NOC2L: variants seen among roughly 807,000 people sequenced by gnomAD.
The protein encoded by NOC2L is NOC2 like nucleolar associated transcriptional repressor.
A neutral mutation model predicts 94.2 loss-of-function variants in NOC2L; 101 were observed. The observed-to-expected ratio is 1.07, with a 90% CI of 0.91 to 1.26. The LOEUF (loss-of-function observed/expected upper bound fraction) is 1.26, where lower values mean the gene tolerates loss of function less well. NOC2L is among the 50% of genes most tolerant of loss of function. The pLI is 0.00. For synonymous variants in NOC2L, 531 were observed against 413.4 expected (o/e 1.28, Z -3.45); for missense variants, 1,076 against 980.1 (o/e 1.10, Z -1.31).
Position 957,227 on chromosome 1 carries a change from G to A in NOC2L, c.226C>T (p.Leu76=), listed in dbSNP as rs1288906665. The change falls in exon 3 of 19, where the codon CTG becomes TTG. Residue 76 remains leucine, a synonymous_variant. Coordinates refer to ENST00000327044, the MANE Select transcript of NOC2L (RefSeq NM_015658.4). ...ASEHKDQLSR[L]KDRDPEFYKF... ...TAGAACTCGGGGTCTCTGTCCTTCA[G>A]CCGAGAGAGCTGGTCTTTGTGCTCA... 2 of 1,613,322 alleles carry A rather than the reference G, an allele frequency of 1.2e-6. No homozygotes were observed. Among genetic ancestry groups the A allele is most frequent in the East Asian group, 2.2e-5 (1 of 44,854 alleles).
rs777245235 is a variant in NOC2L at position 956,149 on chromosome 1, G to A, written c.553C>T (p.Arg185Ter). ...QAFRAAVATT[R>*]GDQESAEANK... ...GCCTCAGCACTTTCCTGGTCCCCTC[G>A]GGTGGTGGCCACAGCTGCTCGGAAC... Residue 185 changes from arginine (R) to a stop codon, truncating the protein, a stop_gained, in exon 5 of 19, where the codon CGA becomes TGA. Transcript: ENST00000327044. LOFTEE classifies it high-confidence loss of function. 8 of 1,613,812 alleles carry A rather than the reference G, an allele frequency of 5.0e-6. No homozygotes were observed. The highest frequency in any genetic ancestry group is 1.1e-5 in the South Asian group (1 of 91,068).
At position 955,813 on chromosome 1, in the gene NOC2L, C is replaced by T. The variant is rs1217657745; in HGVS notation, c.698+110G>A. 56 of 947,862 alleles carry T rather than the reference C, an allele frequency of 5.9e-5. 1 individual carries two copies. Among genetic ancestry groups the T allele is most frequent in the Middle Eastern group, 5.9e-4 (2 of 3,390 alleles). 58.7% of individuals were successfully genotyped at this position (947,862 alleles called of 1,614,324 possible). ...TGCCTTCTCAGGGTCCCCAAGAAGA[C>T]GCTGGCTCTGTTGCCATGTCTCTGT... On this transcript the variant is annotated intron_variant, in intron 6 of 18. Coordinates refer to ENST00000327044, the MANE Select transcript of NOC2L (RefSeq NM_015658.4).
chr1:946,548 G>A lies in NOC2L; in HGVS notation c.1660-3C>T. ...CACTCCCGGAGGAACGACTTCAGCTGCGGAAGGGAGGGGTCAGCCACTGAA... is the reference window on the plus strand; with the variant it reads ...CACTCCCGGAGGAACGACTTCAGCTACGGAAGGGAGGGGTCAGCCACTGAA... On this transcript the variant is annotated splice_polypyrimidine_tract_variant and splice_region_variant and intron_variant, in intron 14 of 18. Transcript: ENST00000327044. The A allele has an allele frequency of 6.2e-7, 1 of 1,610,654 alleles. No individual in the cohort carries two copies. Among genetic ancestry groups the A allele is most frequent in the Non-Finnish European group, 8.5e-7 (1 of 1,178,012 alleles).
chr1:956,289 G>A, intron 4 of NOC2L, 74 bp from the exon 5 acceptor site: 1 of 1,573,530 alleles, frequency 6.4e-7, no homozygotes, highest in Non-Finnish European at 8.6e-7. Context: ...GGCAGCCCCA[G>A]AGAAAGGCAC....
intron 6 of NOC2L, chr1:954,302 A>G: frequency 1.9e-6 from 1 of 528,560 alleles, no homozygotes; most frequent in Non-Finnish European, 3.3e-6. Context: ...GTGGCCTTGA[A>G]CTCCTGTCTG....
intron 2 of NOC2L, chr1:958,703 G>C (rs753802056): frequency 4.3e-6 from 3 of 698,382 alleles, no homozygotes; most frequent in Non-Finnish European, 5.2e-6. Context: ...ATCGGGAAGA[G>C]ATTTTTGCAC....
chr1:955,161 C>T (rs1033596780), intron 6 of NOC2L, among the ~76,000 whole-genome samples: 1 of 152,276 alleles, frequency 6.6e-6, no homozygotes, highest in Admixed American at 6.5e-5. Flanking sequence ...CCACCCCCAT[C>T]TGCCAGCTTC....
At position 956,874 on chromosome 1, in the gene NOC2L, C is replaced by T. The variant is rs751035057; in HGVS notation, c.486+20G>A. 26 of 1,612,468 alleles carry T rather than the reference C, an allele frequency of 1.6e-5. No individual in the cohort carries two copies. The highest frequency in any genetic ancestry group is 3.3e-5 in the South Asian group (3 of 91,014). On this transcript the variant is annotated intron_variant, in intron 4 of 18. Transcript: ENST00000327044. ...ATTTCTGCCTGGGCACCCAGCTGCC[C>T]GCCCCTGGCTGCTGCTCACCTTTGC...
chr1:954,135 G>C lies in NOC2L; in HGVS notation c.699-53C>G, dbSNP rs1038135400. On this transcript the variant is annotated intron_variant, in intron 6 of 18. Transcript: ENST00000327044. ...GGGAGGCCCCACGGCTCGGACGCGA[G>C]GCTGCTCAGCATGTTGGCGCGTGCC... 3 of 1,567,764 alleles carry C rather than the reference G, an allele frequency of 1.9e-6. No individual in the cohort carries two copies. In the African/African-American group the frequency reaches 4.1e-5, roughly 21 times the overall value.
chr1:958,847 T>G, intron 2 of NOC2L, 82 bp downstream of exon 2: 1 of 1,487,310 alleles, frequency 6.7e-7, no homozygotes, highest in Non-Finnish European at 9.4e-7. Context: ...GCCTTGGCCC[T>G]GAGACCCCAG....
intron 12 of NOC2L, among the ~76,000 whole-genome samples, chr1:950,543 GTACACACATGCA>G (rs1335698160): frequency 6.6e-6 from 1 of 151,334 alleles, no homozygotes; most frequent in Non-Finnish European, 1.5e-5. Context: ...ACACGCAAAG[GTACACACATGCA>G]TACACACAGG....
At chr1:946,731 C>G (rs1642128218) in intron 14 of NOC2L, 186 bp from the exon 15 acceptor site, 4 of 653,118 alleles carry the variant, frequency 6.1e-6, no homozygotes, top group African/African-American at 5.5e-5. Context: ...AGCCCACCCT[C>G]TGGGCCAACC....
At chr1:948,632 C>T (rs565042969) in intron 12 of NOC2L, 29 bp from the exon 13 acceptor site, 9 of 1,556,972 alleles carry the variant, frequency 5.8e-6, no homozygotes, top group East Asian at 2.2e-5. Flanking sequence ...CAGGCTCTCT[C>T]GGCCCCATGC....
intron 12 of NOC2L, among the ~76,000 whole-genome samples, chr1:950,439 G>T (rs574108253): frequency 6.6e-6 from 1 of 150,612 alleles, no homozygotes; most frequent in African/African-American, 2.5e-5. Flanking sequence ...GCAGACAGGT[G>T]CACACAGGTA....
intron 2 of NOC2L, 22 bp from the exon 3 acceptor site, chr1:957,295 A>C: frequency 1.2e-6 from 2 of 1,609,356 alleles, no homozygotes; most frequent in Non-Finnish European, 8.5e-7. Flanking sequence ...GAAGTCAGCG[A>C]CCCCAGTGGG....
At chr1:945,374 C>T in intron 17 of NOC2L, 144 bp downstream of exon 17, 1 of 1,085,878 alleles carries the variant, frequency 9.2e-7, no homozygotes, top group South Asian at 1.6e-5. Flanking sequence ...CACCAGAAGC[C>T]TGGCAACACT....
chr1:949,297 G>A (rs975620010), intron 12 of NOC2L, among the ~76,000 whole-genome samples: 1 of 152,206 alleles, frequency 6.6e-6, no homozygotes, highest in African/African-American at 2.4e-5. Flanking sequence ...GATTATGGGG[G>A]GCCCAAGGGT....
chr1:949,765 C>A (rs1051024740), intron 12 of NOC2L, among the ~76,000 whole-genome samples: 1 of 152,228 alleles, frequency 6.6e-6, no homozygotes, highest in African/African-American at 2.4e-5. Context: ...TCAGAGACCA[C>A]TGCTGGCTGC....
Position 956,906 on chromosome 1 carries a change from C to T in NOC2L, c.474G>A (p.Lys158=). The T allele has an allele frequency of 1.2e-6, 2 of 1,613,876 alleles. No individual in the cohort carries two copies. The highest frequency in any genetic ancestry group is 1.7e-6 in the Non-Finnish European group (2 of 1,180,032). The stretch of plus-strand genomic sequence containing the variant: ...GGCTGCTGCTCACCTTTGCTGCCTG[C>T]TTCCATCTCTCAACCATGGCGACGG... ...PVTVAMVERW[K]QAAKQRLTPK... Residue 158 remains lysine, a synonymous_variant, in exon 4 of 19, where the codon AAG becomes AAA. Coordinates refer to ENST00000327044, the MANE Select transcript of NOC2L (RefSeq NM_015658.4).
Sources: gnomAD v4.1 joint callset for allele counts (sites outside exome capture counted in the v4.1 genomes callset) on GRCh38, gnomAD v4.1.1 for gene constraint, MANE v1.5 for transcripts, NCBI Gene and HGNC (gene_info 2026-07-23, HGNC 2026-07-21) for gene names.